GAREM1: variants seen among roughly 807,000 people sequenced by gnomAD.
The protein encoded by GAREM1 is GRB2 associated regulator of MAPK1 subtype 1.
GAREM1 carries 26 observed loss-of-function variants against 71.3 expected under a neutral mutation model. The observed-to-expected ratio is 0.36, with a 90% confidence interval of 0.27 to 0.51. The LOEUF is 0.51. GAREM1 is among the 20% of genes least tolerant of loss of function. GAREM1 has a pLI of 0.95. For synonymous variants in GAREM1, 440 were observed against 433.2 expected (o/e 1.02, Z -0.20); for missense variants, 1,026 against 1,103.1 (o/e 0.93, Z 0.99).
chr18:32,290,083 A>G (rs2047065740), intron 3 of GAREM1, among the ~76,000 whole-genome samples: 1 of 151,688 alleles, frequency 6.6e-6, no homozygotes, highest in Admixed American at 6.6e-5. Flanking sequence ...TTTACTGTAT[A>G]CTAATATTAT....
intron 1 of GAREM1, among the ~76,000 whole-genome samples, chr18:32,432,604 A>G (rs1447206061): frequency 6.6e-6 from 1 of 152,146 alleles, no homozygotes; most frequent in East Asian, 1.9e-4. Flanking sequence ...ATTAGAAAAG[A>G]GGGAATGTCA....
intron 3 of GAREM1, among the ~76,000 whole-genome samples, chr18:32,304,337 A>G (rs960156048): frequency 1.3e-5 from 2 of 152,152 alleles, no homozygotes; most frequent in African/African-American, 4.8e-5. Flanking sequence ...AAAATAAAAA[A>G]TAAAAGAAAA....
chr18:32,364,001 T>TATATATATATATATAC (rs2047894431), intron 2 of GAREM1, among the ~76,000 whole-genome samples: 2 of 37,614 alleles, frequency 5.3e-5, no homozygotes, highest in Non-Finnish European at 4.9e-5. Flanking sequence ...TATACATATA[T>TATATATATATATATAC]ATATATATAT....
intron 4 of GAREM1, among the ~76,000 whole-genome samples, chr18:32,273,703 A>ATG (rs371474942): frequency 0.021 from 3,207 of 151,940 alleles, 50 homozygotes; most frequent in Non-Finnish European, 0.025. Flanking sequence ...TAAAGAACTA[A>ATG]TGTGTGTGTG....
chr18:32,453,273 C>T (rs1471444478), intron 1 of GAREM1, among the ~76,000 whole-genome samples: 1 of 152,118 alleles, frequency 6.6e-6, no homozygotes, highest in Non-Finnish European at 1.5e-5. Flanking sequence ...TCCCACTGGG[C>T]CCCTCCCATA....
At position 32,301,920 on chromosome 18, in the gene GAREM1, C is replaced by A. The variant is rs2047205991; in HGVS notation, c.393+8273G>T. Among the ~76,000 whole-genome samples the A allele has an allele frequency of 2.0e-5, 3 of 152,290 alleles. 1 individual carries two copies. Among genetic ancestry groups the A allele is most frequent in the Non-Finnish European group, 1.5e-5 (1 of 68,022 alleles). ...TATAAAAAGGTACATGTATAACATT[C>A]ATAAAAGCTGCCAAATCCTGTGTGT... On this transcript the variant is annotated intron_variant, in intron 3 of 5. Coordinates refer to ENST00000269209, the MANE Select transcript of GAREM1 (RefSeq NM_001242409.2).
intron 4 of GAREM1, among the ~76,000 whole-genome samples, chr18:32,282,111 C>T (rs2046959348): frequency 2.0e-5 from 3 of 152,136 alleles, no homozygotes; most frequent in Admixed American, 2.0e-4. Flanking sequence ...TCTCCCTTCG[C>T]TGACTCTCTT....
At chr18:32,274,238 C>T (rs985815940) in intron 4 of GAREM1, among the ~76,000 whole-genome samples, 1 of 152,104 alleles carries the variant, frequency 6.6e-6, no homozygotes, top group South Asian at 2.1e-4. Context: ...GCTTATTGTA[C>T]CATCTTAGTT....
intron 1 of GAREM1, among the ~76,000 whole-genome samples, chr18:32,459,826 TG>T (rs1162542583): frequency 6.6e-6 from 1 of 152,066 alleles, no homozygotes; most frequent in South Asian, 2.1e-4. Context: ...CAATCCAAAA[TG>T]AGAATCAATC....
intron 3 of GAREM1, among the ~76,000 whole-genome samples, chr18:32,309,920 A>C (rs1209487639): frequency 1.3e-5 from 2 of 152,210 alleles, no homozygotes; most frequent in African/African-American, 4.8e-5. Flanking sequence ...AATGAAGTCC[A>C]AATTTTAAAA....
chr18:32,393,182 T>A, intron 1 of GAREM1, 147 bp from the exon 2 acceptor site: 1 of 389,724 alleles, frequency 2.6e-6, no homozygotes, highest in Non-Finnish European at 3.9e-6. Context: ...TCTGAATTGT[T>A]TTTTTTTTTT....
At chr18:32,397,175 C>G (rs58503085) in intron 1 of GAREM1, among the ~76,000 whole-genome samples, 11,603 of 152,212 alleles carry the variant, frequency 0.076, 616 homozygotes, top group African/African-American at 0.15. Context: ...AAAGGAACAA[C>G]CAGTACCAGC....
At chr18:32,434,484 T>G (rs2144263182) in intron 1 of GAREM1, among the ~76,000 whole-genome samples, 1 of 152,128 alleles carries the variant, frequency 6.6e-6, no homozygotes, top group Admixed American at 6.5e-5. Context: ...AAGAAAATAC[T>G]TTTTTAAAAA....
At chr18:32,456,838 C>A (rs1003187144) in intron 1 of GAREM1, among the ~76,000 whole-genome samples, 2 of 152,058 alleles carry the variant, frequency 1.3e-5, no homozygotes, top group Non-Finnish European at 2.9e-5. Flanking sequence ...TTTCACATCA[C>A]GGAATATTAT....
In GAREM1 at chr18:32,270,109, C is replaced by A. The variant is rs1404018851; in HGVS notation, c.1733+108G>T. On this transcript the variant is annotated intron_variant, in intron 5 of 5. Coordinates refer to ENST00000269209, the MANE Select transcript of GAREM1 (RefSeq NM_001242409.2). ...ATTTAGAAAATTAAAAAGCCATTTC[C>A]TCTCCCACCACCCTGCCTGTTAGGG... is the stretch of plus-strand genomic sequence containing the variant. The A allele has an allele frequency of 2.6e-6, 3 of 1,167,680 alleles. No individual in the cohort carries two copies. The African/African-American group carries it at 4.7e-5, about 18-fold the overall frequency. 72.3% of individuals were successfully genotyped at this position (1,167,680 alleles called of 1,614,324 possible). A position where few individuals can be genotyped will look rare whatever the true frequency, so the allele number is the denominator to read the frequency against.
chr18:32,322,320 G>C (rs1418408245), intron 2 of GAREM1, among the ~76,000 whole-genome samples: 1 of 152,106 alleles, frequency 6.6e-6, no homozygotes, highest in Non-Finnish European at 1.5e-5. Context: ...GTGTATACAG[G>C]CCTCCAAGAT....
At chr18:32,409,241 T>G (rs1336044181) in intron 1 of GAREM1, among the ~76,000 whole-genome samples, 1 of 152,182 alleles carries the variant, frequency 6.6e-6, no homozygotes, top group Non-Finnish European at 1.5e-5. Context: ...AGCACTCAGA[T>G]TTTAAACATT....
chr18:32,447,565 G>C (rs1342698930), intron 1 of GAREM1, among the ~76,000 whole-genome samples: 1 of 152,030 alleles, frequency 6.6e-6, no homozygotes, highest in East Asian at 1.9e-4. Context: ...CAATGTAGTG[G>C]TGAAGTCTAG....
intron 2 of GAREM1, among the ~76,000 whole-genome samples, chr18:32,390,764 T>A (rs1340364455): frequency 6.6e-6 from 1 of 152,238 alleles, no homozygotes; most frequent in Non-Finnish European, 1.5e-5. Context: ...ACATTGTGGA[T>A]GCTCATTCTA....
Sources: gnomAD v4.1 joint callset for allele counts (sites outside exome capture counted in the v4.1 genomes callset) on GRCh38, gnomAD v4.1.1 for gene constraint, MANE v1.5 for transcripts, NCBI Gene and HGNC (gene_info 2026-07-23, HGNC 2026-07-21) for gene names.